The following TACR2 variants were observed in gnomAD, a reference collection of about 807,000 sequenced individuals.
The protein encoded by TACR2 is tachykinin receptor 2, also known as substance-K receptor.
TACR2 carries 24 observed loss-of-function variants against 28.9 expected under a neutral mutation model. That is an observed-to-expected ratio of 0.83 (90% CI 0.60 to 1.17). The LOEUF (loss-of-function observed/expected upper bound fraction) is 1.17, where lower values mean the gene tolerates loss of function less well. TACR2 is among the 50% of genes most tolerant of loss of function. The probability of loss-of-function intolerance (pLI) is 0.00; values close to 1 mark genes in which losing one functional copy is unlikely to be tolerated. For synonymous variants in TACR2, 222 were observed against 212.6 expected (o/e 1.04, Z -0.38); for missense variants, 487 against 524.4 (o/e 0.93, Z 0.70).
chr10:69,416,732 A>G lies in TACR2; in HGVS notation c.-409T>C, dbSNP rs1208068150. On this transcript the variant is annotated 5_prime_UTR_variant, in exon 1 of 5. Coordinates refer to ENST00000373306, the MANE Select transcript of TACR2 (RefSeq NM_001057.3). Reference sequence around the variant, plus strand: ...TGGTGACAAGTTAGGACTCGAACCCAGGTTTCTCGTCACGTAATTCAGGAA... The same window carrying G: ...TGGTGACAAGTTAGGACTCGAACCCGGGTTTCTCGTCACGTAATTCAGGAA... 1 of 166,088 alleles carries G rather than the reference A, an allele frequency of 6.0e-6. No homozygotes were observed. The highest frequency in any genetic ancestry group is 6.0e-5 in the Admixed American group (1 of 16,706). 10.3% of individuals were successfully genotyped at this position (166,088 alleles called of 1,614,324 possible). A position where few individuals can be genotyped will look rare whatever the true frequency, so the allele number is the denominator to read the frequency against.
At position 69,404,951 on chromosome 10, in the gene TACR2, A is replaced by G. The variant is rs1402349159; in HGVS notation, c.1072T>C (p.Phe358Leu). The change falls in exon 5 of 5, where the codon TTC becomes CTC. Residue 358 changes from phenylalanine (F) to leucine (L), a missense_variant. By Grantham distance (22) the Phe-to-Leu change is conservative. Transcript: ENST00000373306. ...GAGGGGGCTGTGTCCCCAGCCATGA[A>G]CAAAGTCTCCTTAGTGTGACACCTG... The part of the protein sequence containing the change: ...VNRCHTKETL[F>L]MAGDTAPSEA... 6.2e-7 allele frequency: 1 copy of G among 1,614,112 alleles called. No homozygotes were observed. The highest frequency in any genetic ancestry group is 1.3e-5 in the African/African-American group (1 of 74,946).
At chr10:69,414,861 G>A (rs1840598161) in intron 2 of TACR2, 84 bp downstream of exon 2, 4 of 1,413,062 alleles carry the variant, frequency 2.8e-6, no homozygotes, top group Non-Finnish European at 3.9e-6. Flanking sequence ...GCATGGACAT[G>A]GATGCATGCA....
intron 4 of TACR2, among the ~76,000 whole-genome samples, chr10:69,405,396 C>CA (rs1317217677): frequency 7.2e-5 from 11 of 152,112 alleles, no homozygotes; most frequent in South Asian, 2.1e-4. Context: ...AACAAACAAA[C>CA]AAAAAAACCA....
rs200551111 is a variant in TACR2, at chr10:69,404,758, A to G, written c.*68T>C. 15 of 771,736 alleles carry G rather than the reference A, an allele frequency of 1.9e-5. No homozygotes were observed. The highest frequency in any genetic ancestry group is 3.1e-5 in the Non-Finnish European group (15 of 490,006). 47.8% of individuals were successfully genotyped at this position (771,736 alleles called of 1,614,324 possible). A position where few individuals can be genotyped will look rare whatever the true frequency, so the allele number is the denominator to read the frequency against. ...AACTGGAAGGCATTAATCTATTCAT[A>G]AGGGATCCATCCCCAATACCCAAAC... On this transcript the variant is annotated 3_prime_UTR_variant, in exon 5 of 5. Transcript: ENST00000373306.
rs182824502 is a variant in TACR2, at chr10:69,406,610, G to A, written c.938+474C>T. On this transcript the variant is annotated intron_variant, in intron 4 of 4. Transcript: ENST00000373306. ...GCCCCCATCCACTGCTTCCACTGCC[G>A]GATGGGTGCCATTCACTTGGCTCCA... Among the ~76,000 whole-genome samples the A allele has an allele frequency of 9.2e-5, 14 of 152,296 alleles. No individual in the cohort carries two copies. The South Asian group carries it at 1.7e-3, about 18-fold the overall frequency.
At position 69,416,621 on chromosome 10, in the gene TACR2, A is replaced by G. The variant is rs1249756480; in HGVS notation, c.-298T>C. The G allele has an allele frequency of 6.2e-6, 2 of 322,608 alleles. No individual in the cohort carries two copies. The highest frequency in any genetic ancestry group is 1.0e-4 in the East Asian group (2 of 19,562). 20.0% of individuals were successfully genotyped at this position (322,608 alleles called of 1,614,324 possible). A position where few individuals can be genotyped will look rare whatever the true frequency, so the allele number is the denominator to read the frequency against. On this transcript the variant is annotated 5_prime_UTR_variant, in exon 1 of 5. Transcript: ENST00000373306. ...AAATCACAGTGTCAGAGCAGAAAAC[A>G]CCCTTATAAATCAACCCCTTCGCTG... is the stretch of plus-strand genomic sequence containing the variant.
At chr10:69,415,363 C>T (rs910167268) in intron 1 of TACR2, among the ~76,000 whole-genome samples, 10 of 152,342 alleles carry the variant, frequency 6.6e-5, no homozygotes, top group South Asian at 2.1e-4. Context: ...CCAGGCACCT[C>T]GGCCCACCAT....
At chr10:69,411,085 C>T (rs1371907164) in intron 2 of TACR2, among the ~76,000 whole-genome samples, 1 of 152,194 alleles carries the variant, frequency 6.6e-6, no homozygotes, top group Non-Finnish European at 1.5e-5. Context: ...GAGCATTCCA[C>T]CAATGGGCCT....
chr10:69,409,906 T>TATAC (rs1564581105), intron 2 of TACR2, among the ~76,000 whole-genome samples: 1 of 11,612 alleles, frequency 8.6e-5, no homozygotes, highest in Non-Finnish European at 2.1e-4. Context: ...TATATATACA[T>TATAC]ATATATATAT....
intron 3 of TACR2, among the ~76,000 whole-genome samples, 198 bp downstream of exon 3, chr10:69,408,724 G>T (rs908944572): frequency 6.6e-6 from 1 of 152,128 alleles, no homozygotes; most frequent in African/African-American, 2.4e-5. Flanking sequence ...AGCTTCTCCC[G>T]GGCGCCCTCT....
rs1382428601 is a variant in TACR2, at chr10:69,404,736, T to C, written c.*90A>G. 3.3e-6 allele frequency: 2 copies of C among 601,482 alleles called. No homozygotes were observed. Among genetic ancestry groups the C allele is most frequent in the African/African-American group, 3.8e-5 (2 of 53,010 alleles). The allele number at this position is 601,482 out of a possible 1,614,324, so 37.3% of individuals were successfully genotyped here. A position where few individuals can be genotyped will look rare whatever the true frequency, so the allele number is the denominator to read the frequency against. ...CACAAGAGTGATGATTCACTTCAAC[T>C]GGAAGGCATTAATCTATTCATAAGG... is the stretch of plus-strand genomic sequence containing the variant. On this transcript the variant is annotated 3_prime_UTR_variant, in exon 5 of 5. Coordinates refer to ENST00000373306, the MANE Select transcript of TACR2 (RefSeq NM_001057.3).
chr10:69,416,684 C>T lies in TACR2; in HGVS notation c.-361G>A, dbSNP rs562550404. ...ACAGAGATTCCAAGAGGGGACGGGACCAGCCCAGGTCACTCAGGAAGTTGG... is the reference window on the plus strand; with the variant it reads ...ACAGAGATTCCAAGAGGGGACGGGATCAGCCCAGGTCACTCAGGAAGTTGG... On this transcript the variant is annotated 5_prime_UTR_variant, in exon 1 of 5. Transcript: ENST00000373306. 2.5e-5 allele frequency: 5 copies of T among 199,860 alleles called. No homozygotes were observed. Among genetic ancestry groups the T allele is most frequent in the Non-Finnish European group, 5.1e-5 (5 of 98,488 alleles). 12.4% of individuals were successfully genotyped at this position (199,860 alleles called of 1,614,324 possible).
At chr10:69,409,285 C>CG in intron 2 of TACR2, 1 of 422,526 alleles carries the variant, frequency 2.4e-6, no homozygotes, top group Non-Finnish European at 4.2e-6. Flanking sequence ...GCAAAAGGGA[C>CG]GCCAGCAGTA....
At chr10:69,415,858 G>A in intron 1 of TACR2, 74 bp downstream of exon 1, 6 of 1,534,722 alleles carry the variant, frequency 3.9e-6, no homozygotes, top group Non-Finnish European at 4.4e-6. Flanking sequence ...TGTAATCACA[G>A]GCATGTCACC....
Position 69,416,381 on chromosome 10 carries a change from A to G in TACR2, c.-58T>C, listed in dbSNP as rs369665634. The G allele has an allele frequency of 4.1e-5, 63 of 1,529,266 alleles. No individual in the cohort carries two copies. The highest frequency in any genetic ancestry group is 1.2e-4 in the Admixed American group (6 of 48,818). The allele number at this position is 1,529,266 out of a possible 1,614,324, so 94.7% of individuals were successfully genotyped here. ...CTCCTCGGCTCCTCTCGGATTTGCT[A>G]TGAAAGAGAACTCCCCTTCAGAGCA... On this transcript the variant is annotated 5_prime_UTR_variant, in exon 1 of 5. It removes the in-frame stop codon of an upstream open reading frame in the 5' UTR. Transcript: ENST00000373306.
In TACR2 at chr10:69,405,101, C is replaced by G. The variant is rs1230436400; in HGVS notation, c.939-17G>C. The stretch of plus-strand genomic sequence containing the variant: ...GAGCGAAACCTGGGGGAGCGAGGGG[C>G]ACCTTGAGCCAGGGAGTTAGGGGCT... On this transcript the variant is annotated splice_polypyrimidine_tract_variant and intron_variant, in intron 4 of 4. Transcript: ENST00000373306. The G allele has an allele frequency of 1.2e-6, 2 of 1,608,846 alleles. No homozygotes were observed. The highest frequency in any genetic ancestry group is 2.2e-5 in the South Asian group (2 of 90,430).
chr10:69,410,625 T>C (rs10762294), intron 2 of TACR2, among the ~76,000 whole-genome samples: 84,783 of 151,442 alleles, frequency 0.56, 24,249 homozygotes, highest in South Asian at 0.7. Context: ...GACTGACTCC[T>C]CGGCAGGTCT....
intron 2 of TACR2, among the ~76,000 whole-genome samples, chr10:69,409,883 A>G (rs1286654639): frequency 1.9e-4 from 2 of 10,374 alleles, no homozygotes; most frequent in East Asian, 3.1e-3. Flanking sequence ...ATATATATAC[A>G]TATATACATA....
intron 2 of TACR2, among the ~76,000 whole-genome samples, chr10:69,412,196 C>T (rs553677580): frequency 6.6e-6 from 1 of 152,300 alleles, no homozygotes; most frequent in East Asian, 1.9e-4. Flanking sequence ...ATTGCAATTC[C>T]CCTGTCTTGA....
Sources: allele counts gnomAD v4.1 joint callset (sites outside exome capture counted in the v4.1 genomes callset), GRCh38; gene constraint gnomAD v4.1.1; transcripts MANE v1.5; gene names NCBI Gene and HGNC (gene_info 2026-07-23, HGNC 2026-07-21).